PLXND1: variants seen among roughly 807,000 people sequenced by gnomAD.
PLXND1 encodes the protein plexin-D1.
Under a neutral mutation model 197.7 loss-of-function variants are expected in PLXND1, and 54 were observed. The ratio of observed to expected loss-of-function variants is 0.27; its 90% confidence interval spans 0.22 to 0.34. PLXND1 has a LOEUF of 0.34. PLXND1 is among the 10% of genes least tolerant of loss of function. The pLI is 1.00. For synonymous variants in PLXND1, 1,180 were observed against 1,161.2 expected, an observed-to-expected ratio of 1.02 and a Z score of -0.33; for missense variants, 2,127 against 2,699.2, an observed-to-expected ratio of 0.79 and a Z score of 4.70.
chr3:129,573,581 C>T lies in PLXND1; in HGVS notation c.2837+13G>A, dbSNP rs369499469. ...TGCTGGAGAAGGTAGGTGGGGGCAC[C>T]GTGGCTACTCACTCCTCCGACACCG... On this transcript the variant is annotated intron_variant, in intron 13 of 35. Coordinates refer to ENST00000324093, the MANE Select transcript of PLXND1 (RefSeq NM_015103.3). 40 of 1,609,614 alleles carry T rather than the reference C, an allele frequency of 2.5e-5. No homozygotes were observed. Among genetic ancestry groups the T allele is most frequent in the South Asian group, 4.4e-5 (4 of 90,780 alleles).
At position 129,555,334 on chromosome 3, in the gene PLXND1, A is replaced by G; in HGVS notation, c.*978T>C. On this transcript the variant is annotated 3_prime_UTR_variant, in exon 36 of 36. Transcript: ENST00000324093. The stretch of plus-strand genomic sequence containing the variant: ...GCTGAGTTGGCTGCGAGGGGCCCGC[A>G]TGGCCCATCGGCCACAGAGGGTCGT... The G allele has an allele frequency of 1.7e-6, 1 of 583,828 alleles. No individual in the cohort carries two copies. The highest frequency in any genetic ancestry group is 2.0e-5 in the South Asian group (1 of 49,002). 36.2% of individuals were successfully genotyped at this position (583,828 alleles called of 1,614,324 possible).
intron 1 of PLXND1, among the ~76,000 whole-genome samples, chr3:129,596,946 C>G (rs2085634474): frequency 6.6e-6 from 1 of 152,176 alleles, no homozygotes; most frequent in Non-Finnish European, 1.5e-5. Flanking sequence ...CTCCAGCTGC[C>G]CACATCCGAG....
intron 24 of PLXND1, 78 bp downstream of exon 24, chr3:129,565,809 C>T: frequency 6.7e-7 from 1 of 1,491,990 alleles, no homozygotes; most frequent in Non-Finnish European, 9.2e-7. Context: ...CCCAGAGCCC[C>T]AGGACCCAGG....
intron 14 of PLXND1, 45 bp from the exon 15 acceptor site, chr3:129,572,793 G>A (rs2085255182): frequency 6.2e-7 from 1 of 1,611,716 alleles, no homozygotes; most frequent in East Asian, 2.2e-5. Context: ...CAGCCCCCGG[G>A]AGTGTGCGTG....
chr3:129,559,538 G>A (rs1044058822), intron 32 of PLXND1, 82 bp downstream of exon 32: 63 of 1,151,312 alleles, frequency 5.5e-5, no homozygotes, highest in Non-Finnish European at 7.4e-5. Context: ...AAGCAGGCGA[G>A]GCCAGAAGAC....
intron 1 of PLXND1, among the ~76,000 whole-genome samples, chr3:129,589,949 G>C (rs772674785): frequency 5.3e-5 from 8 of 152,142 alleles, no homozygotes; most frequent in Non-Finnish European, 8.8e-5. Flanking sequence ...TTAACCCGCT[G>C]GCACCCAAGA....
rs753765938 is a variant in PLXND1, at chr3:129,575,592, G to A, written c.2437-30C>T. 3 of 1,499,874 alleles carry A rather than the reference G, an allele frequency of 2.0e-6. No individual in the cohort carries two copies. The South Asian group carries it at 3.6e-5, about 18-fold the overall frequency. The allele number at this position is 1,499,874 out of a possible 1,614,324, so 92.9% of individuals were successfully genotyped here. A position where few individuals can be genotyped will look rare whatever the true frequency, so the allele number is the denominator to read the frequency against. On this transcript the variant is annotated intron_variant, in intron 10 of 35. Transcript: ENST00000324093. ...AAAAGGGCAGAAAAGAGCATAGGGGGCATGGGCAATGCCTGGGGCTCTGCT... is the reference window on the plus strand; with the variant it reads ...AAAAGGGCAGAAAAGAGCATAGGGGACATGGGCAATGCCTGGGGCTCTGCT...
At chr3:129,564,020 C>T (rs542974477) in intron 25 of PLXND1, among the ~76,000 whole-genome samples, 15 of 152,352 alleles carry the variant, frequency 9.8e-5, no homozygotes, top group African/African-American at 3.4e-4. Flanking sequence ...AGGAAACAGG[C>T]TCATAGGGGA....
chr3:129,568,506 C>A (rs142178239), intron 20 of PLXND1, among the ~76,000 whole-genome samples: 1 of 152,068 alleles, frequency 6.6e-6, no homozygotes, highest in African/African-American at 2.4e-5. Flanking sequence ...AACGTACATA[C>A]CATATAATCC....
intron 20 of PLXND1, 76 bp downstream of exon 20, chr3:129,569,767 T>C (rs2085195873): frequency 1.2e-6 from 1 of 809,740 alleles, no homozygotes; most frequent in Non-Finnish European, 2.2e-6. Context: ...CCTTCTCCCA[T>C]CTGCCAATCT....
intron 8 of PLXND1, among the ~76,000 whole-genome samples, chr3:129,581,891 G>A (rs925839338): frequency 1.3e-5 from 2 of 152,252 alleles, no homozygotes; most frequent in African/African-American, 4.8e-5. Flanking sequence ...GCTGCCCAGT[G>A]TGATGCTTCC....
intron 3 of PLXND1, 85 bp from the exon 4 acceptor site, chr3:129,586,357 T>C: frequency 8.5e-7 from 1 of 1,173,606 alleles, no homozygotes; most frequent in Non-Finnish European, 1.2e-6. Context: ...GTGCGGGCCA[T>C]GAGAGGCTGG....
In PLXND1 at chr3:129,606,292, G is replaced by T. The variant is rs763907195; in HGVS notation, c.348C>A (p.His116Gln). The T allele has an allele frequency of 6.5e-7, 1 of 1,530,256 alleles. No individual in the cohort carries two copies. The highest frequency in any genetic ancestry group is 1.3e-5 in the South Asian group (1 of 79,806). 94.8% of individuals were successfully genotyped at this position (1,530,256 alleles called of 1,614,324 possible). A position where few individuals can be genotyped will look rare whatever the true frequency, so the allele number is the denominator to read the frequency against. ...TGTAGTTGTCCGTGAGGCGCCGCGG[G>T]TGCTCGCACGAGGCCTGCGGCAGCT... ...APQLPQASCE[H>Q]PRRLTDNYNK... is the part of the protein sequence containing the mutation. Residue 116 changes from histidine (H) to glutamine (Q), a missense_variant, in exon 1 of 36, where the codon CAC (histidine) becomes CAA (glutamine). Physicochemically the swap from His to Gln is conservative, Grantham distance 24. Coordinates refer to ENST00000324093, the MANE Select transcript of PLXND1 (RefSeq NM_015103.3).
In PLXND1 at chr3:129,561,104, G is replaced by A. The variant is rs191020486; in HGVS notation, c.4994-381C>T. The A allele has an allele frequency of 2.3e-5, 11 of 474,752 alleles. 1 individual carries two copies. The Admixed American group carries it at 2.6e-4, about 11-fold the overall frequency. 29.4% of individuals were successfully genotyped at this position (474,752 alleles called of 1,614,324 possible). On this transcript the variant is annotated intron_variant, in intron 29 of 35. Transcript: ENST00000324093. ...AGAGAAACAGGAAGATGCAGCCACG[G>A]GGGAGGAGGGGCCCCAGGCAGGCGG...
intron 32 of PLXND1, 46 bp downstream of exon 32, chr3:129,559,574 G>A (rs749944381): frequency 2.7e-6 from 4 of 1,498,104 alleles, no homozygotes; most frequent in East Asian, 4.8e-5. Context: ...CTGCCACAGG[G>A]GCCCCAGTGG....
At chr3:129,589,307 G>GCCGGGCACCCCCCC in intron 2 of PLXND1, 44 bp downstream of exon 2, 2 of 684,692 alleles carry the variant, frequency 2.9e-6, no homozygotes, top group Non-Finnish European at 2.6e-6. Flanking sequence ...TCCCAGGGGA[G>GCCGGGCACCCCCCC]CCTCCCACCC....
At position 129,562,954 on chromosome 3, in the gene PLXND1, A is replaced by G; in HGVS notation, c.4669-11T>C. ...GGACACGTTCAGGTTCTGCAGGGGGAGAGTGGGAGAGAAAGGTCAGTGAGT... is the reference window on the plus strand; with the variant it reads ...GGACACGTTCAGGTTCTGCAGGGGGGGAGTGGGAGAGAAAGGTCAGTGAGT... On this transcript the variant is annotated splice_polypyrimidine_tract_variant and intron_variant, in intron 26 of 35. Coordinates refer to ENST00000324093, the MANE Select transcript of PLXND1 (RefSeq NM_015103.3). The G allele has an allele frequency of 1.2e-6, 2 of 1,600,788 alleles. No individual in the cohort carries two copies. Among genetic ancestry groups the G allele is most frequent in the Non-Finnish European group, 1.7e-6 (2 of 1,169,166 alleles).
chr3:129,596,511 C>T (rs903750386), intron 1 of PLXND1, among the ~76,000 whole-genome samples: 1 of 152,140 alleles, frequency 6.6e-6, no homozygotes, highest in Non-Finnish European at 1.5e-5. Context: ...GGATGGGCAG[C>T]CAGCGGCTCT....
chr3:129,605,770 C>A lies in PLXND1; in HGVS notation c.870G>T (p.Pro290=), dbSNP rs2085782010. 2 of 1,570,728 alleles carry A rather than the reference C, an allele frequency of 1.3e-6. No individual in the cohort carries two copies. The highest frequency in any genetic ancestry group is 1.7e-6 in the Non-Finnish European group (2 of 1,159,416). Residue 290 remains proline, a synonymous_variant, in exon 1 of 36, where the codon CCG becomes CCT. Coordinates refer to ENST00000324093, the MANE Select transcript of PLXND1 (RefSeq NM_015103.3). ...VSAFLHPSDP[P]PGAQSYAYLA... is the part of the protein sequence containing the mutation. ...GGTACGCGTAGGACTGTGCACCCGG[C>A]GGCGGGTCGGACGGGTGCAGGAAGG...
Sources: allele counts gnomAD v4.1 joint callset (sites outside exome capture counted in the v4.1 genomes callset), GRCh38; gene constraint gnomAD v4.1.1; transcripts MANE v1.5; gene names NCBI Gene and HGNC (gene_info 2026-07-23, HGNC 2026-07-21).